Variants in PLCB1 observed in about 807,000 individuals in gnomAD.
PLCB1 encodes the protein 1-phosphatidylinositol 4,5-bisphosphate phosphodiesterase beta-1.
Under a neutral mutation model 161.8 loss-of-function variants are expected in PLCB1, and 46 were observed. The ratio of observed to expected loss-of-function variants is 0.28; its 90% confidence interval spans 0.22 to 0.36. The LOEUF is 0.36. Among genes scored for constraint, PLCB1 ranks in the 10% least tolerant of loss-of-function variants. The probability of loss-of-function intolerance (pLI) is 1.00; values close to 1 mark genes in which losing one functional copy is unlikely to be tolerated. For synonymous variants in PLCB1, 517 were observed against 503.7 expected (o/e 1.03, Z -0.35); for missense variants, 1,016 against 1,472.5 (o/e 0.69, Z 5.07).
chr20:8,171,929 C>T (rs2051736545), intron 2 of PLCB1, among the ~76,000 whole-genome samples: 1 of 152,170 alleles, frequency 6.6e-6, no homozygotes, highest in African/African-American at 2.4e-5. Flanking sequence ...TGGGAGTAAA[C>T]TGCCTCTGAG....
chr20:8,875,531 TTAA>T (rs1374891360), intron 31 of PLCB1, among the ~76,000 whole-genome samples: 2 of 147,914 alleles, frequency 1.4e-5, no homozygotes, highest in Non-Finnish European at 3.0e-5. Flanking sequence ...ATATAATATA[TTAA>T]TATTTATATT....
chr20:8,279,148 C>T (rs1483109849), intron 2 of PLCB1, among the ~76,000 whole-genome samples: 2 of 152,076 alleles, frequency 1.3e-5, no homozygotes, highest in East Asian at 1.9e-4. Flanking sequence ...GTGTTCCATA[C>T]CTAGATATAT....
chr20:8,761,612 G>A (rs570412200), intron 25 of PLCB1, among the ~76,000 whole-genome samples: 18 of 152,106 alleles, frequency 1.2e-4, no homozygotes, highest in East Asian at 7.8e-4. Flanking sequence ...TCCACCTCCC[G>A]GGTTCAAGCA....
chr20:8,746,522 C>A (rs2123534945), intron 23 of PLCB1, among the ~76,000 whole-genome samples: 1 of 151,894 alleles, frequency 6.6e-6, no homozygotes, highest in East Asian at 1.9e-4. Flanking sequence ...TTTTATTTTT[C>A]TTTTCTCAAG....
intron 3 of PLCB1, among the ~76,000 whole-genome samples, chr20:8,395,068 T>C (rs1442040500): frequency 2.0e-5 from 3 of 152,118 alleles, no homozygotes; most frequent in Admixed American, 2.0e-4. Context: ...AATTAGTCAT[T>C]TTGTATCTGT....
intron 2 of PLCB1, among the ~76,000 whole-genome samples, chr20:8,198,153 C>G (rs561855553): frequency 0.023 from 3,527 of 151,804 alleles, 41 homozygotes; most frequent in Admixed American, 0.032. Context: ...GCTCTTTTTT[C>G]GTTCCATATG....
chr20:8,824,777 G>A (rs1395486879), intron 31 of PLCB1, among the ~76,000 whole-genome samples: 1 of 152,058 alleles, frequency 6.6e-6, no homozygotes, highest in Non-Finnish European at 1.5e-5. Flanking sequence ...ATCACTGAAA[G>A]ATAAAAATCC....
intron 23 of PLCB1, chr20:8,752,371 A>G (rs766611782): frequency 1.3e-5 from 2 of 152,198 alleles, no homozygotes; most frequent in Non-Finnish European, 2.9e-5. Context: ...TTGCTTTATT[A>G]TGGTACTGTG....
At chr20:8,243,794 G>A (rs181848464) in intron 2 of PLCB1, among the ~76,000 whole-genome samples, 33 of 152,000 alleles carry the variant, frequency 2.2e-4, no homozygotes, top group African/African-American at 6.0e-4. Context: ...ATTGTTTTTA[G>A]CTGTTCTCTT....
chr20:8,863,244 C>T (rs1461735196), intron 31 of PLCB1, among the ~76,000 whole-genome samples: 9 of 152,176 alleles, frequency 5.9e-5, no homozygotes, highest in Admixed American at 3.3e-4. Context: ...ATGCTAGAGT[C>T]TCCATAATTC....
chr20:8,266,771 G>A (rs1981977554), intron 2 of PLCB1, among the ~76,000 whole-genome samples: 1 of 152,038 alleles, frequency 6.6e-6, no homozygotes, highest in Admixed American at 6.5e-5. Flanking sequence ...GGGTGCAGTG[G>A]CTCACGCCTG....
chr20:8,834,828 A>C (rs905669784), intron 31 of PLCB1, among the ~76,000 whole-genome samples: 1 of 118,872 alleles, frequency 8.4e-6, no homozygotes, highest in Non-Finnish European at 1.9e-5. Flanking sequence ...AAAAAAAAAA[A>C]AAAAAAAAAC....
intron 2 of PLCB1, among the ~76,000 whole-genome samples, chr20:8,221,630 T>C (rs1051981010): frequency 6.6e-6 from 1 of 152,148 alleles, no homozygotes; most frequent in Non-Finnish European, 1.5e-5. Context: ...ATCACTGTCC[T>C]CTCTGAGCTC....
intron 3 of PLCB1, among the ~76,000 whole-genome samples, chr20:8,441,496 C>T (rs1011584483): frequency 2.0e-5 from 3 of 152,178 alleles, no homozygotes; most frequent in African/African-American, 4.8e-5. Flanking sequence ...GAAATCTGAT[C>T]GTTGTAATTC....
chr20:8,409,282 A>G (rs1328699864), intron 3 of PLCB1, among the ~76,000 whole-genome samples: 1 of 152,166 alleles, frequency 6.6e-6, no homozygotes, highest in East Asian at 1.9e-4. Context: ...ATTAAAGACC[A>G]TAACTCGAAC....
chr20:8,236,076 A>C (rs1467470523), intron 2 of PLCB1, among the ~76,000 whole-genome samples: 1 of 152,170 alleles, frequency 6.6e-6, no homozygotes, highest in African/African-American at 2.4e-5. Context: ...AAATGACTCA[A>C]GTTAATTTGA....
rs138442255 is a variant in PLCB1, at chr20:8,191,445, C to T, written c.177+41074C>T. On this transcript the variant is annotated intron_variant, in intron 2 of 31. Coordinates refer to ENST00000338037, the MANE Select transcript of PLCB1 (RefSeq NM_015192.4). ...AATTTTTTTTTCCTGAACCATTTCA[C>T]GGTAAGTTGCAGACAGGATAGCCCT... is the stretch of plus-strand genomic sequence containing the variant. Among the ~76,000 whole-genome samples, 1,249 of 151,974 alleles carry T rather than the reference C, an allele frequency of 8.2e-3. 15 individuals are homozygous for T. The highest frequency in any genetic ancestry group is 0.028 in the African/African-American group (1,154 of 41,472).
At chr20:8,618,328 A>G (rs1467263764) in intron 3 of PLCB1, among the ~76,000 whole-genome samples, 1 of 152,158 alleles carries the variant, frequency 6.6e-6, no homozygotes, top group Non-Finnish European at 1.5e-5. Flanking sequence ...TAAAATTAAG[A>G]GAGCTTTACA....
intron 2 of PLCB1, among the ~76,000 whole-genome samples, chr20:8,340,658 T>C (rs563133022): frequency 2.0e-3 from 307 of 152,168 alleles, no homozygotes; most frequent in Admixed American, 2.5e-3. Context: ...TCTCCTGACC[T>C]CGTGATCCGC....
Sources: gnomAD v4.1 joint callset for allele counts (sites outside exome capture counted in the v4.1 genomes callset) on GRCh38, gnomAD v4.1.1 for gene constraint, MANE v1.5 for transcripts, NCBI Gene and HGNC (gene_info 2026-07-23, HGNC 2026-07-21) for gene names.